SYTL5: variants seen among roughly 807,000 people sequenced by gnomAD.
The protein encoded by SYTL5 is synaptotagmin-like protein 5.
SYTL5 carries 34 observed loss-of-function variants against 55.9 expected under a neutral mutation model. That is an observed-to-expected ratio of 0.61 (90% CI 0.46 to 0.81). The LOEUF (loss-of-function observed/expected upper bound fraction) is 0.81, where lower values mean the gene tolerates loss of function less well. Among genes scored for constraint, SYTL5 ranks in the 30% least tolerant of loss-of-function variants. The pLI is 0.00. For missense variants in SYTL5, 637 were observed against 546.7 expected, an observed-to-expected ratio of 1.17 and a Z score of -1.65; for synonymous variants, 221 against 188.7, an observed-to-expected ratio of 1.17 and a Z score of -1.40.
chrX:37,993,036 T>A, the SYTL5 span, among the ~76,000 whole-genome samples: 3 of 111,199 alleles, frequency 2.7e-5, no homozygotes, highest in Non-Finnish European at 3.8e-5. Context: ...TAAGAGAGTA[T>A]AAAATTCTTA....
chrX:38,071,206 G>A (rs1372372838), intron 3 of SYTL5, among the ~76,000 whole-genome samples: 2 of 111,602 alleles, frequency 1.8e-5, no homozygotes, highest in African/African-American at 6.5e-5. Flanking sequence ...TAATACTGAA[G>A]GACGCTATAA....
chrX:38,003,680 C>T (rs186130725), upstream of SYTL5, among the ~76,000 whole-genome samples: 3 of 111,600 alleles, frequency 2.7e-5, no homozygotes, highest in African/African-American at 6.5e-5. Context: ...CAATGCCATC[C>T]CCATCAAGCT....
chrX:38,125,945 T>C (rs1170434824), intron 16 of SYTL5, among the ~76,000 whole-genome samples: 1 of 111,708 alleles, frequency 9.0e-6, no homozygotes, highest in Non-Finnish European at 1.9e-5. Flanking sequence ...CTGGTTGAAT[T>C]GAAAGGAAAT....
At chrX:37,971,911 G>C in the SYTL5 span, among the ~76,000 whole-genome samples, 2 of 109,203 alleles carry the variant, frequency 1.8e-5, no homozygotes, top group African/African-American at 6.7e-5. Context: ...TTGCGGGCAG[G>C]ACTCTACAGT....
intron 13 of SYTL5, among the ~76,000 whole-genome samples, chrX:38,118,005 C>T (rs777618235): frequency 4.5e-5 from 5 of 111,296 alleles, no homozygotes; most frequent in African/African-American, 6.5e-5. Flanking sequence ...TCATTGATGA[C>T]GGTACCAAAA....
chrX:38,081,702 G>A, intron 6 of SYTL5, among the ~76,000 whole-genome samples: 1 of 111,894 alleles, frequency 8.9e-6, no homozygotes, highest in East Asian at 2.8e-4. Context: ...CAATCTCACT[G>A]GCCAATTCTA....
chrX:37,918,644 C>T, the SYTL5 span, among the ~76,000 whole-genome samples: 15 of 111,617 alleles, frequency 1.3e-4, no homozygotes, highest in South Asian at 3.7e-4. Flanking sequence ...AGGCAGAGAA[C>T]GTGGTTTGGA....
At chrX:37,962,400 G>C in the SYTL5 span, among the ~76,000 whole-genome samples, 1 of 111,442 alleles carries the variant, frequency 9.0e-6, no homozygotes, top group African/African-American at 3.3e-5. Flanking sequence ...CAAAGGACAT[G>C]AACTCATCTT....
intron 1 of SYTL5, among the ~76,000 whole-genome samples, chrX:38,022,280 A>G (rs750542763): frequency 9.8e-5 from 11 of 112,397 alleles, no homozygotes; most frequent in African/African-American, 3.5e-4. Flanking sequence ...GAAGTATGAA[A>G]ATGTATTGGA....
At chrX:37,928,622 G>A in the SYTL5 span, among the ~76,000 whole-genome samples, 1 of 111,651 alleles carries the variant, frequency 9.0e-6, no homozygotes, top group Non-Finnish European at 1.9e-5. Context: ...ATCTACCCAA[G>A]AGAATCTAAA....
the SYTL5 span, chrX:37,991,166 G>A: frequency 8.3e-7 from 1 of 1,210,594 alleles, no homozygotes; most frequent in Non-Finnish European, 1.1e-6. Flanking sequence ...TGTTTGATGA[G>A]ATGCCCAAAT....
chrX:38,078,502 C>T (rs750232643), intron 6 of SYTL5, among the ~76,000 whole-genome samples: 7 of 110,779 alleles, frequency 6.3e-5, no homozygotes, highest in African/African-American at 9.8e-5. Flanking sequence ...CCTCATGATC[C>T]ACCCGCCTCG....
At chrX:38,115,967 C>T (rs1937478910) in intron 13 of SYTL5, among the ~76,000 whole-genome samples, 3 of 111,730 alleles carry the variant, frequency 2.7e-5, no homozygotes, top group South Asian at 7.5e-4. Context: ...CCTATTTTTG[C>T]TTTTGTTTCC....
the SYTL5 span, among the ~76,000 whole-genome samples, chrX:37,965,611 T>G: frequency 8.9e-6 from 1 of 112,197 alleles, no homozygotes; most frequent in Non-Finnish European, 1.9e-5. Flanking sequence ...TGTATATGAC[T>G]GTTAGGTCCA....
At chrX:37,946,454 T>G in the SYTL5 span, 1 of 251,789 alleles carries the variant, frequency 4.0e-6, no homozygotes, top group Non-Finnish European at 7.5e-6. Context: ...AATATGCACA[T>G]CCTTTGGAAA....
the SYTL5 span, among the ~76,000 whole-genome samples, chrX:37,984,474 T>C: frequency 1.8e-4 from 20 of 111,815 alleles, no homozygotes; most frequent in Non-Finnish European, 3.2e-4. Flanking sequence ...AAGAAATAAA[T>C]AGATTGAATT....
chrX:37,980,939 G>T, the SYTL5 span, among the ~76,000 whole-genome samples: 1 of 112,179 alleles, frequency 8.9e-6, no homozygotes, highest in Non-Finnish European at 1.9e-5. Flanking sequence ...AAGAACTAAT[G>T]TTACTACCTA....
At chrX:37,999,724 T>C in the SYTL5 span, among the ~76,000 whole-genome samples, 3 of 112,061 alleles carry the variant, frequency 2.7e-5, no homozygotes, top group Non-Finnish European at 5.6e-5. Flanking sequence ...TATACAGTTA[T>C]CAGACTATGC....
the SYTL5 span, among the ~76,000 whole-genome samples, chrX:37,937,350 G>A: frequency 1.8e-5 from 2 of 111,213 alleles, no homozygotes; most frequent in East Asian, 2.8e-4. Context: ...CATTCAAAAC[G>A]CAAGGCGGCT....
Sources: gnomAD v4.1 joint callset for allele counts (sites outside exome capture counted in the v4.1 genomes callset) on GRCh38, gnomAD v4.1.1 for gene constraint, MANE v1.5 for transcripts, NCBI Gene and HGNC (gene_info 2026-07-23, HGNC 2026-07-21) for gene names.